The following RTL4 variants were observed in gnomAD, a reference collection of about 807,000 sequenced individuals.
RTL4 encodes retrotransposon Gag like 4.
RTL4 carries 4 observed loss-of-function variants against 5.3 expected under a neutral mutation model. The observed-to-expected ratio is 0.75, with a 90% CI of 0.37 to 1.72. The LOEUF is 1.72. Among genes scored for constraint, RTL4 ranks in the 40% most tolerant of loss-of-function variants. The pLI is 0.04. For missense variants in RTL4, 260 were observed against 227.1 expected, an observed-to-expected ratio of 1.14 and a Z score of -0.93; for synonymous variants, 98 against 87.3, an observed-to-expected ratio of 1.12 and a Z score of -0.68.
At chrX:112,395,240 TA>T in the RTL4 span, among the ~76,000 whole-genome samples, 572 of 111,685 alleles carry the variant, frequency 5.1e-3, 4 homozygotes, top group African/African-American at 0.018. Flanking sequence ...AAATAGGGTT[TA>T]AAAAATTGAA....
At chrX:112,254,791 A>G in the RTL4 span, among the ~76,000 whole-genome samples, 1 of 111,802 alleles carries the variant, frequency 8.9e-6, no homozygotes, top group African/African-American at 3.3e-5. Context: ...TCAGAAAAAA[A>G]GATGAAGTCA....
At chrX:112,385,711 AT>A in the RTL4 span, among the ~76,000 whole-genome samples, 1 of 111,410 alleles carries the variant, frequency 9.0e-6, no homozygotes, top group South Asian at 3.7e-4. Flanking sequence ...TGGATATAAC[AT>A]TTTTTTCTGG....
chrX:112,427,972 C>T, the RTL4 span, among the ~76,000 whole-genome samples: 4 of 108,943 alleles, frequency 3.7e-5, no homozygotes, highest in African/African-American at 1.0e-4. Context: ...TATTCTCACA[C>T]ATTTGCATCC....
chrX:112,141,299 G>C, the RTL4 span, among the ~76,000 whole-genome samples: 1 of 111,328 alleles, frequency 9.0e-6, no homozygotes, highest in Admixed American at 9.5e-5. Flanking sequence ...ATTCATTCTT[G>C]TTGTTTTTTT....
At chrX:112,121,816 A>C in the RTL4 span, among the ~76,000 whole-genome samples, 1 of 111,817 alleles carries the variant, frequency 8.9e-6, no homozygotes, top group Non-Finnish European at 1.9e-5. Flanking sequence ...CTTTGTGAGA[A>C]TTCTTTATCT....
At chrX:112,381,608 C>G in the RTL4 span, 1 of 1,193,050 alleles carries the variant, frequency 8.4e-7, no homozygotes, top group Non-Finnish European at 1.1e-6. Flanking sequence ...GCGAAGAAGA[C>G]AAGAATCAGC....
the RTL4 span, among the ~76,000 whole-genome samples, chrX:112,328,030 C>T: frequency 0.33 from 34,329 of 105,394 alleles, 6,468 homozygotes; most frequent in African/African-American, 0.66. Context: ...AAGGAACAAC[C>T]GGTACCAGCT....
chrX:112,155,979 C>G, the RTL4 span, among the ~76,000 whole-genome samples: 1 of 111,742 alleles, frequency 8.9e-6, no homozygotes, highest in African/African-American at 3.2e-5. Context: ...AGTTTTAGGC[C>G]AAGTTTCTAG....
At chrX:112,090,454 A>C in the RTL4 span, among the ~76,000 whole-genome samples, 5 of 111,312 alleles carry the variant, frequency 4.5e-5, no homozygotes, top group African/African-American at 1.6e-4. Context: ...TAATCATAAA[A>C]GGGTGTTGAG....
At chrX:112,146,199 G>A in the RTL4 span, among the ~76,000 whole-genome samples, 2 of 111,205 alleles carry the variant, frequency 1.8e-5, no homozygotes, top group Non-Finnish European at 3.8e-5. Context: ...TGAAGATTGC[G>A]AATTTTGGAG....
At chrX:112,107,422 TA>T in the RTL4 span, among the ~76,000 whole-genome samples, 33 of 112,085 alleles carry the variant, frequency 2.9e-4, no homozygotes, top group Non-Finnish European at 9.4e-5. Context: ...AACTTCTTGA[TA>T]TTTTCTGGTT....
At chrX:112,223,334 G>A in the RTL4 span, among the ~76,000 whole-genome samples, 15 of 112,256 alleles carry the variant, frequency 1.3e-4, no homozygotes, top group South Asian at 3.7e-3. Flanking sequence ...CCCTGACAAC[G>A]TGCCAGAGAT....
the RTL4 span, among the ~76,000 whole-genome samples, chrX:112,246,144 G>A: frequency 1.8e-5 from 2 of 112,201 alleles, no homozygotes; most frequent in South Asian, 7.5e-4. Context: ...CCTACTGGGA[G>A]GTGTCTCCCA....
chrX:112,101,306 T>C, the RTL4 span, among the ~76,000 whole-genome samples: 1 of 111,587 alleles, frequency 9.0e-6, no homozygotes, highest in Admixed American at 9.5e-5. Context: ...AAGATAGAAA[T>C]AGAAACTTCA....
chrX:112,305,400 T>C, the RTL4 span, among the ~76,000 whole-genome samples: 1 of 108,904 alleles, frequency 9.2e-6, no homozygotes, highest in Non-Finnish European at 1.9e-5. Flanking sequence ...TCTCGTTCTG[T>C]CACCCAGGCT....
chrX:112,313,793 A>G, the RTL4 span, among the ~76,000 whole-genome samples: 1 of 110,428 alleles, frequency 9.1e-6, no homozygotes, highest in Non-Finnish European at 1.9e-5. Context: ...TTATTAAGGT[A>G]TATAAGAACC....
chrX:112,298,214 T>G, the RTL4 span, among the ~76,000 whole-genome samples: 2 of 112,387 alleles, frequency 1.8e-5, no homozygotes, highest in African/African-American at 6.5e-5. Flanking sequence ...CTGTTTGTTT[T>G]AGCTTATATT....
At chrX:112,403,047 C>T in the RTL4 span, among the ~76,000 whole-genome samples, 4 of 111,752 alleles carry the variant, frequency 3.6e-5, no homozygotes, top group South Asian at 3.7e-4. Context: ...CCCTGTTAAA[C>T]TCAGAATTCA....
the RTL4 span, among the ~76,000 whole-genome samples, chrX:112,111,748 A>G: frequency 3.0e-4 from 34 of 112,209 alleles, no homozygotes; most frequent in East Asian, 8.7e-3. Context: ...TGCCTTTCAT[A>G]TCCCATTCTC....
Sources: gnomAD v4.1 joint callset for allele counts (sites outside exome capture counted in the v4.1 genomes callset) on GRCh38, gnomAD v4.1.1 for gene constraint, MANE v1.5 for transcripts, NCBI Gene and HGNC (gene_info 2026-07-23, HGNC 2026-07-21) for gene names.